The following TAFA1 variants were observed in gnomAD, a reference collection of about 807,000 sequenced individuals.
TAFA1 encodes chemokine-like protein TAFA-1.
TAFA1 carries 4 observed loss-of-function variants against 18.5 expected under a neutral mutation model. The ratio of observed to expected loss-of-function variants is 0.22; its 90% CI spans 0.11 to 0.49. TAFA1 has a LOEUF of 0.49. Among genes scored for constraint, TAFA1 ranks in the 20% least tolerant of loss-of-function variants. TAFA1 has a pLI of 0.98. For missense variants in TAFA1, 147 were observed against 169.0 expected, an observed-to-expected ratio of 0.87 and a Z score of 0.72; for synonymous variants, 56 against 55.2, an observed-to-expected ratio of 1.01 and a Z score of -0.06.
intron 2 of TAFA1, among the ~76,000 whole-genome samples, chr3:68,173,123 C>A (rs189561779): frequency 1.3e-5 from 2 of 151,910 alleles, no homozygotes; most frequent in African/African-American, 4.8e-5. Flanking sequence ...CAGTATGTGA[C>A]TAATGATTAT....
intron 3 of TAFA1, among the ~76,000 whole-genome samples, chr3:68,495,998 C>CAAAA (rs199520960): frequency 1.9e-5 from 2 of 107,538 alleles, no homozygotes; most frequent in Non-Finnish European, 3.7e-5. Flanking sequence ...TTCCCTGAAG[C>CAAAA]AAAAAAAAAA....
At chr3:68,394,530 A>G (rs968867557) in intron 2 of TAFA1, among the ~76,000 whole-genome samples, 2 of 152,226 alleles carry the variant, frequency 1.3e-5, no homozygotes, top group African/African-American at 4.8e-5. Context: ...AATTGGAGGC[A>G]TCATGCTACC....
At chr3:68,006,392 A>G in intron 1 of TAFA1, 1 of 492,138 alleles carries the variant, frequency 2.0e-6, no homozygotes, top group Non-Finnish European at 3.7e-6. Flanking sequence ...GCATTTTGCC[A>G]ATCCTTGGAG....
At chr3:68,083,488 C>A (rs1321306720) in intron 2 of TAFA1, among the ~76,000 whole-genome samples, 3 of 152,174 alleles carry the variant, frequency 2.0e-5, no homozygotes, top group Admixed American at 1.3e-4. Flanking sequence ...CTTCCTTATT[C>A]CAAACTTGGT....
At chr3:68,461,736 G>A (rs1475229062) in intron 3 of TAFA1, among the ~76,000 whole-genome samples, 2 of 151,614 alleles carry the variant, frequency 1.3e-5, no homozygotes, top group Admixed American at 6.6e-5. Context: ...CCTATAGAAG[G>A]CAATTCTGGC....
At chr3:68,036,498 A>G (rs1705052196) in intron 2 of TAFA1, among the ~76,000 whole-genome samples, 4 of 151,996 alleles carry the variant, frequency 2.6e-5, no homozygotes. Context: ...TGAATAAAAT[A>G]TACAACAAAA....
At chr3:68,081,880 G>A (rs1010476352) in intron 2 of TAFA1, among the ~76,000 whole-genome samples, 1 of 152,314 alleles carries the variant, frequency 6.6e-6, no homozygotes, top group Non-Finnish European at 1.5e-5. Context: ...ACCTAATCAA[G>A]CCTGGGCAAT....
At chr3:68,150,745 C>T (rs1311232306) in intron 2 of TAFA1, among the ~76,000 whole-genome samples, 1 of 152,076 alleles carries the variant, frequency 6.6e-6, no homozygotes, top group Non-Finnish European at 1.5e-5. Flanking sequence ...TTCCTCTCCT[C>T]ACTGTCATGC....
rs202036939 is a variant in TAFA1 at position 68,077,533 on chromosome 3, C to A, written c.118+70789C>A. On this transcript the variant is annotated intron_variant, in intron 2 of 4. Coordinates refer to ENST00000478136, the MANE Select transcript of TAFA1 (RefSeq NM_213609.4). ...GTTTCAGCTTTCTACATATGGCTAG[C>A]CAGTTTTCCCAGCACCATTTATTAA... Among the ~76,000 whole-genome samples, 105 of 149,596 alleles carry A rather than the reference C, an allele frequency of 7.0e-4. 1 individual carries two copies. In the East Asian group the frequency reaches 0.02, roughly 29 times the overall value.
intron 2 of TAFA1, among the ~76,000 whole-genome samples, chr3:68,411,921 G>A (rs1182218330): frequency 2.0e-5 from 3 of 152,132 alleles, no homozygotes; most frequent in Middle Eastern, 3.2e-3. Context: ...GGTATGATGG[G>A]ACAATCAGAG....
intron 2 of TAFA1, among the ~76,000 whole-genome samples, chr3:68,272,523 C>T (rs1320032111): frequency 2.0e-5 from 3 of 152,100 alleles, no homozygotes; most frequent in Non-Finnish European, 4.4e-5. Context: ...ATAAATGGAA[C>T]ATAATGATTC....
At chr3:68,068,659 C>T (rs1054696617) in intron 2 of TAFA1, among the ~76,000 whole-genome samples, 1 of 152,126 alleles carries the variant, frequency 6.6e-6, no homozygotes, top group African/African-American at 2.4e-5. Flanking sequence ...TTATTTCCTT[C>T]AAAATTATTC....
chr3:68,375,718 GT>G (rs2069797824), intron 2 of TAFA1, among the ~76,000 whole-genome samples: 2 of 152,076 alleles, frequency 1.3e-5, no homozygotes, highest in Admixed American at 6.6e-5. Context: ...AATGTTCTCT[GT>G]GTATCAGGCT....
At chr3:68,234,407 A>G (rs1448421973) in intron 2 of TAFA1, among the ~76,000 whole-genome samples, 1 of 152,178 alleles carries the variant, frequency 6.6e-6, no homozygotes, top group Non-Finnish European at 1.5e-5. Context: ...GGGGAGCAAC[A>G]GGGATGCCAC....
chr3:68,316,044 A>G lies in TAFA1; in HGVS notation c.119-101236A>G, dbSNP rs904177034. ...GACAGAGGGTGATTAATTATATTTC[A>G]GAGCCAGATAATTCCCAGAGAATAT... On this transcript the variant is annotated intron_variant, in intron 2 of 4. Coordinates refer to ENST00000478136, the MANE Select transcript of TAFA1 (RefSeq NM_213609.4). Among the ~76,000 whole-genome samples the G allele has an allele frequency of 2.0e-5, 3 of 152,232 alleles. No individual in the cohort carries two copies. The East Asian group carries it at 5.8e-4, about 29-fold the overall frequency.
At chr3:68,308,979 T>TGGTA (rs1223038475) in intron 2 of TAFA1, among the ~76,000 whole-genome samples, 1 of 152,186 alleles carries the variant, frequency 6.6e-6, no homozygotes, top group African/African-American at 2.4e-5. Flanking sequence ...TACCAGTTGC[T>TGGTA]TCACATCCCT....
At chr3:67,998,047 A>C in the TAFA1 span, among the ~76,000 whole-genome samples, 1 of 151,768 alleles carries the variant, frequency 6.6e-6, no homozygotes, top group Non-Finnish European at 1.5e-5. Context: ...TATATTAAAC[A>C]AAAAAAATTA....
intron 2 of TAFA1, among the ~76,000 whole-genome samples, chr3:68,234,907 C>A (rs766102209): frequency 2.6e-5 from 4 of 152,136 alleles, no homozygotes; most frequent in Non-Finnish European, 4.4e-5. Context: ...TTCTGTGAAT[C>A]CTTGGCAGTG....
chr3:68,024,659 G>A (rs933707176), intron 2 of TAFA1, among the ~76,000 whole-genome samples: 5 of 152,048 alleles, frequency 3.3e-5, no homozygotes, highest in African/African-American at 1.2e-4. Flanking sequence ...TCTTGCTGAT[G>A]GTTCAGGAAG....
Sources: gnomAD v4.1 joint callset for allele counts (sites outside exome capture counted in the v4.1 genomes callset) on GRCh38, gnomAD v4.1.1 for gene constraint, MANE v1.5 for transcripts, NCBI Gene and HGNC (gene_info 2026-07-23, HGNC 2026-07-21) for gene names.